COTL1: variants seen among roughly 807,000 people sequenced by gnomAD.
COTL1 encodes coactosin-like protein.
COTL1 carries 15 observed loss-of-function variants against 16.5 expected under a neutral mutation model. The observed-to-expected ratio is 0.91, with a 90% CI of 0.61 to 1.40. The LOEUF (loss-of-function observed/expected upper bound fraction) is 1.40, where lower values mean the gene tolerates loss of function less well. Ranked by LOEUF, COTL1 falls within the 40% of genes most tolerant of loss-of-function variation. The probability of loss-of-function intolerance (pLI) is 0.00; values close to 1 mark genes in which losing one functional copy is unlikely to be tolerated. For synonymous variants in COTL1, 112 were observed against 85.3 expected, an observed-to-expected ratio of 1.31 and a Z score of -1.73; for missense variants, 220 against 201.5, an observed-to-expected ratio of 1.09 and a Z score of -0.56.
rs1015650986 is a variant in COTL1, at chr16:84,602,530, C to T, written c.161-12268G>A. Among the ~76,000 whole-genome samples, 5 of 151,718 alleles carry T rather than the reference C, an allele frequency of 3.3e-5. No homozygotes were observed. The East Asian group carries it at 9.6e-4, about 29-fold the overall frequency. On this transcript the variant is annotated intron_variant, in intron 2 of 3. Coordinates refer to ENST00000262428, the MANE Select transcript of COTL1 (RefSeq NM_021149.5). ...GAATGGATATGGACAGACATAACAA[C>T]TGATTTGTTTTGACAAATTTGTGGT... is the stretch of plus-strand genomic sequence containing the variant.
intron 2 of COTL1, among the ~76,000 whole-genome samples, chr16:84,615,324 TG>T (rs1567542226): frequency 6.6e-6 from 1 of 152,122 alleles, no homozygotes; most frequent in Non-Finnish European, 1.5e-5. Context: ...CTCCCATCCC[TG>T]GGGGGCAGGA....
At chr16:84,598,476 G>A (rs1475742270) in intron 2 of COTL1, among the ~76,000 whole-genome samples, 1 of 152,148 alleles carries the variant, frequency 6.6e-6, no homozygotes, top group African/African-American at 2.4e-5. Context: ...AACGTTCTCA[G>A]GATACCGCCT....
At chr16:84,611,042 T>C (rs182411065) in intron 2 of COTL1, among the ~76,000 whole-genome samples, 123 of 152,340 alleles carry the variant, frequency 8.1e-4, no homozygotes, top group Non-Finnish European at 1.3e-3. Flanking sequence ...AAGCATTATA[T>C]GGAACAAGCC....
chr16:84,610,578 A>G (rs1374803741), intron 2 of COTL1, among the ~76,000 whole-genome samples: 2 of 152,234 alleles, frequency 1.3e-5, no homozygotes, highest in African/African-American at 2.4e-5. Flanking sequence ...TTGAGTCACA[A>G]GGGCCCTTGA....
intron 2 of COTL1, among the ~76,000 whole-genome samples, chr16:84,611,311 T>C (rs1729152866): frequency 6.6e-6 from 1 of 152,198 alleles, no homozygotes; most frequent in African/African-American, 2.4e-5. Flanking sequence ...GGTCCATGGA[T>C]AGAGGATTGC....
intron 2 of COTL1, among the ~76,000 whole-genome samples, chr16:84,615,275 G>C (rs760656533): frequency 6.6e-6 from 1 of 152,242 alleles, no homozygotes; most frequent in Non-Finnish European, 1.5e-5. Context: ...CAGCAGGGAA[G>C]CATTTTTAGC....
At chr16:84,588,404 A>T (rs1040225242) in intron 3 of COTL1, among the ~76,000 whole-genome samples, 1 of 152,202 alleles carries the variant, frequency 6.6e-6, no homozygotes, top group African/African-American at 2.4e-5. Context: ...ACATTGGTAC[A>T]TTACAATTAA....
intron 3 of COTL1, among the ~76,000 whole-genome samples, chr16:84,570,065 C>G (rs371680997): frequency 6.6e-6 from 1 of 152,162 alleles, no homozygotes; most frequent in Non-Finnish European, 1.5e-5. Flanking sequence ...ATCATGAGGT[C>G]AGGAGATCGA....
chr16:84,578,626 C>T (rs1273174541), intron 3 of COTL1, among the ~76,000 whole-genome samples: 2 of 150,912 alleles, frequency 1.3e-5, no homozygotes, highest in Non-Finnish European at 3.0e-5. Context: ...CACCAACACA[C>T]ACACACGCAG....
intron 2 of COTL1, 46 bp downstream of exon 2, chr16:84,617,455 A>T (rs1457925615): frequency 1.3e-6 from 2 of 1,527,994 alleles, no homozygotes; most frequent in Admixed American, 2.0e-5. Context: ...GGGTGCAGAC[A>T]ACCTCCCAAC....
In COTL1 at chr16:84,590,135, C is replaced by A; in HGVS notation, c.288G>T (p.Thr96=). ...CGACCTCCTTCACCAGGGTCTTGTC[C>A]GTCCCGGTTTTGGCGCGCTGCAGCC... ...VSGLQRAKTG[T]DKTLVKEVVQ... is the part of the protein sequence containing the mutation. Residue 96 remains threonine, a synonymous_variant, in exon 3 of 4, where the codon ACG becomes ACT. Transcript: ENST00000262428. This position sits in a 1 kb window ranked among gnomAD's most constrained non-coding sequence, Gnocchi z 5.5. 6.2e-7 allele frequency: 1 copy of A among 1,614,002 alleles called. No individual in the cohort carries two copies. The highest frequency in any genetic ancestry group is 1.3e-5 in the African/African-American group (1 of 75,030).
At chr16:84,573,750 A>T (rs4993435) in intron 3 of COTL1, among the ~76,000 whole-genome samples, 21,228 of 101,192 alleles carry the variant, frequency 0.21, 2,076 homozygotes, top group Admixed American at 0.4. Flanking sequence ...CAAAAAAAAA[A>T]AAATATATAT....
At chr16:84,609,617 T>C (rs1377035160) in intron 2 of COTL1, among the ~76,000 whole-genome samples, 1 of 152,208 alleles carries the variant, frequency 6.6e-6, no homozygotes. Context: ...CTATCTGATA[T>C]GGTTTGGCTC....
intron 3 of COTL1, chr16:84,568,804 G>A (rs1246584822): frequency 1.3e-5 from 2 of 152,162 alleles, no homozygotes; most frequent in Non-Finnish European, 2.9e-5. Flanking sequence ...AAAAAGGCCC[G>A]TAAGGTGATC....
chr16:84,617,952 C>G lies in COTL1; in HGVS notation c.-38G>C, dbSNP rs1277410568. ...GCAGCGGGACACTGTCCGGGGCGGC[C>G]GAGCGCGCCCCTGGCCGGCGGCGGG... On this transcript the variant is annotated 5_prime_UTR_variant, in exon 1 of 4. Transcript: ENST00000262428. 8 of 1,488,872 alleles carry G rather than the reference C, an allele frequency of 5.4e-6. No individual in the cohort carries two copies. The highest frequency in any genetic ancestry group is 7.2e-6 in the Non-Finnish European group (8 of 1,114,716). 92.2% of individuals were successfully genotyped at this position (1,488,872 alleles called of 1,614,324 possible).
chr16:84,593,794 C>T (rs953972877), intron 2 of COTL1, among the ~76,000 whole-genome samples: 4 of 152,162 alleles, frequency 2.6e-5, no homozygotes, highest in Non-Finnish European at 4.4e-5. Context: ...CCACCGCGCC[C>T]GGCCATTTTA....
At chr16:84,570,763 A>T (rs1220789104) in intron 3 of COTL1, among the ~76,000 whole-genome samples, 1 of 152,234 alleles carries the variant, frequency 6.6e-6, no homozygotes, top group Non-Finnish European at 1.5e-5. Flanking sequence ...TATCATCAGT[A>T]CTTAGAGAGG....
At chr16:84,602,454 A>G (rs1344578732) in intron 2 of COTL1, among the ~76,000 whole-genome samples, 1 of 152,038 alleles carries the variant, frequency 6.6e-6, no homozygotes, top group Non-Finnish European at 1.5e-5. Context: ...CAGGATTTTT[A>G]AAGTGTGACT....
intron 3 of COTL1, among the ~76,000 whole-genome samples, chr16:84,579,014 C>G (rs527245692): frequency 6.6e-6 from 1 of 152,004 alleles, no homozygotes; most frequent in Non-Finnish European, 1.5e-5. Context: ...TGCATGCACA[C>G]ACATCCACCC....
Sources: gnomAD v4.1 joint callset for allele counts (sites outside exome capture counted in the v4.1 genomes callset) on GRCh38, gnomAD v4.1.1 for gene constraint, Gnocchi (gnomAD v3.1) non-coding constraint, MANE v1.5 for transcripts, NCBI Gene and HGNC (gene_info 2026-07-23, HGNC 2026-07-21) for gene names.